The following P2RY8 variants were observed in gnomAD, a reference collection of about 807,000 sequenced individuals.
P2RY8 encodes S-geranylgeranyl-glutathione receptor P2RY8.
In P2RY8, 6 loss-of-function variants were observed where a neutral mutation model predicts 10.0. That is an observed-to-expected ratio of 0.60 (90% CI 0.33 to 1.19). The LOEUF (loss-of-function observed/expected upper bound fraction) is 1.19. Ranked by LOEUF, P2RY8 falls within the 50% of genes most tolerant of loss-of-function variation. The pLI is 0.04. For missense variants in P2RY8, 456 were observed against 542.0 expected (o/e 0.84, Z 1.58); for synonymous variants, 276 against 252.5 (o/e 1.09, Z -0.88).
intron 1 of P2RY8, among the ~76,000 whole-genome samples, chrX:1,522,991 C>T (rs777490144): frequency 2.6e-4 from 39 of 148,644 alleles, no homozygotes; most frequent in African/African-American, 8.0e-4. Context: ...GTCACTTGAA[C>T]CCGGGAGGCA....
chrX:1,479,542 A>G (rs1410650444), intron 1 of P2RY8, among the ~76,000 whole-genome samples: 1 of 152,268 alleles, frequency 6.6e-6, no homozygotes, highest in Non-Finnish European at 1.5e-5. Context: ...TCGAGAAACT[A>G]GAAAAAGAAG....
At chrX:1,497,117 G>T (rs2092124391) in intron 1 of P2RY8, among the ~76,000 whole-genome samples, 1 of 149,406 alleles carries the variant, frequency 6.7e-6, no homozygotes, top group Admixed American at 6.7e-5. Flanking sequence ...AGCTATTCAG[G>T]AGACTGAGGC....
At chrX:1,488,688 C>G (rs1388913824) in intron 1 of P2RY8, among the ~76,000 whole-genome samples, 1 of 151,794 alleles carries the variant, frequency 6.6e-6, no homozygotes, top group Non-Finnish European at 1.5e-5. Flanking sequence ...GGTCTGCTGT[C>G]CTTAGCTTAG....
intron 1 of P2RY8, among the ~76,000 whole-genome samples, chrX:1,475,078 G>T (rs1488952253): frequency 6.9e-6 from 1 of 144,614 alleles, no homozygotes; most frequent in Non-Finnish European, 1.5e-5. Context: ...TAGATGAATA[G>T]GTGTATGCCT....
intron 1 of P2RY8, among the ~76,000 whole-genome samples, chrX:1,480,053 C>T (rs2091917116): frequency 6.6e-6 from 1 of 152,174 alleles, no homozygotes; most frequent in African/African-American, 2.4e-5. Flanking sequence ...TTTTCCCCAA[C>T]ATTTAAGGAA....
chrX:1,486,286 A>C (rs2091985352), intron 1 of P2RY8, among the ~76,000 whole-genome samples: 1 of 152,136 alleles, frequency 6.6e-6, no homozygotes, highest in African/African-American at 2.4e-5. Flanking sequence ...CACTCTTCAC[A>C]ACAGCCAAAA....
intron 1 of P2RY8, among the ~76,000 whole-genome samples, chrX:1,480,593 T>C (rs750225927): frequency 6.6e-6 from 1 of 152,120 alleles, no homozygotes; most frequent in East Asian, 1.9e-4. Flanking sequence ...ACACTGCATG[T>C]TGTCACTCAT....
chrX:1,477,188 CAA>C (rs753336144), intron 1 of P2RY8, among the ~76,000 whole-genome samples: 11 of 145,132 alleles, frequency 7.6e-5, no homozygotes, highest in African/African-American at 2.3e-4. Context: ...GACTGCATCT[CAA>C]AAAAAAAAAA....
At chrX:1,504,357 C>T (rs1164738458) in intron 1 of P2RY8, among the ~76,000 whole-genome samples, 2 of 151,916 alleles carry the variant, frequency 1.3e-5, no homozygotes, top group African/African-American at 4.8e-5. Flanking sequence ...GCTTCTTTGC[C>T]CCCCTTGAAG....
At chrX:1,468,478 G>A (rs1299756761) in intron 1 of P2RY8, among the ~76,000 whole-genome samples, 5 of 152,188 alleles carry the variant, frequency 3.3e-5, no homozygotes, top group Non-Finnish European at 7.3e-5. Context: ...GCTGAGGAAC[G>A]CGCATGACTA....
chrX:1,498,230 C>T (rs1283687329), intron 1 of P2RY8, among the ~76,000 whole-genome samples: 1 of 151,618 alleles, frequency 6.6e-6, no homozygotes, highest in Non-Finnish European at 1.5e-5. Context: ...CATGCTGAAA[C>T]CCCGTCTCTA....
chrX:1,534,064 A>G (rs1159572087), intron 1 of P2RY8, among the ~76,000 whole-genome samples: 1 of 126,316 alleles, frequency 7.9e-6, no homozygotes, highest in Non-Finnish European at 1.5e-5. Flanking sequence ...ATATATTTGT[A>G]TATTATTTAT....
chrX:1,490,825 T>TG (rs1352704731), intron 1 of P2RY8, among the ~76,000 whole-genome samples: 1 of 148,034 alleles, frequency 6.8e-6, no homozygotes. Context: ...CCTGCAAATG[T>TG]GGGGGGAATG....
intron 1 of P2RY8, among the ~76,000 whole-genome samples, chrX:1,524,289 T>C (rs1402744897): frequency 1.3e-5 from 2 of 151,936 alleles, no homozygotes; most frequent in Non-Finnish European, 2.9e-5. Flanking sequence ...GATCCACTCA[T>C]CCCTTTATTC....
intron 1 of P2RY8, among the ~76,000 whole-genome samples, chrX:1,525,687 G>A (rs187332025): frequency 6.6e-6 from 1 of 151,282 alleles, no homozygotes; most frequent in Non-Finnish European, 1.5e-5. Flanking sequence ...ATGTATTCAT[G>A]CATCCATTCA....
intron 1 of P2RY8, among the ~76,000 whole-genome samples, chrX:1,512,377 T>A (rs1439140772): frequency 1.3e-5 from 2 of 151,756 alleles, no homozygotes; most frequent in African/African-American, 2.4e-5. Flanking sequence ...TGAAACCCCA[T>A]CTCTACTAAA....
At chrX:1,510,684 C>T (rs1439900276) in intron 1 of P2RY8, among the ~76,000 whole-genome samples, 1 of 151,712 alleles carries the variant, frequency 6.6e-6, no homozygotes, top group Non-Finnish European at 1.5e-5. Flanking sequence ...TCAAGACCAG[C>T]CTGGCGACCA....
chrX:1,504,257 G>C (rs1212848746), intron 1 of P2RY8, among the ~76,000 whole-genome samples: 1 of 151,482 alleles, frequency 6.6e-6, no homozygotes, highest in African/African-American at 2.4e-5. Flanking sequence ...CGGAGGTTGC[G>C]GTGAGCCGAG....
At chrX:1,524,716 T>C (rs1490427334) in intron 1 of P2RY8, among the ~76,000 whole-genome samples, 49 of 80,058 alleles carry the variant, frequency 6.1e-4, no homozygotes, top group South Asian at 9.7e-4. Context: ...CACTCATCCA[T>C]TCATCCATCC....
Sources: allele counts gnomAD v4.1 joint callset (sites outside exome capture counted in the v4.1 genomes callset), GRCh38; gene constraint gnomAD v4.1.1; transcripts MANE v1.5; gene names NCBI Gene and HGNC (gene_info 2026-07-23, HGNC 2026-07-21).